The following WWOX variants were observed in gnomAD, a reference collection of about 807,000 sequenced individuals.
WWOX encodes WW domain containing oxidoreductase, also known as WW domain-containing oxidoreductase.
WWOX carries 69 observed loss-of-function variants against 46.2 expected under a neutral mutation model. The ratio of observed to expected loss-of-function variants is 1.49; its 90% CI spans 1.23 to 1.82. The LOEUF is 1.82. Ranked by LOEUF, WWOX falls within the 40% of genes most tolerant of loss-of-function variation. The probability of loss-of-function intolerance (pLI) is 0.00; values close to 1 mark genes in which losing one functional copy is unlikely to be tolerated. For missense variants in WWOX, 919 were observed against 542.6 expected (o/e 1.69, Z -6.89); for synonymous variants, 359 against 202.6 (o/e 1.77, Z -6.56).
At chr16:78,521,217 G>T (rs2043342019) in intron 8 of WWOX, among the ~76,000 whole-genome samples, 1 of 152,116 alleles carries the variant, frequency 6.6e-6, no homozygotes, top group East Asian at 1.9e-4. Flanking sequence ...GATATTATTT[G>T]TAGTAATTTA....
chr16:78,734,920 C>T (rs2049050799), intron 8 of WWOX, among the ~76,000 whole-genome samples: 1 of 119,448 alleles, frequency 8.4e-6, no homozygotes, highest in South Asian at 3.1e-4. Flanking sequence ...GGCTGGAGTG[C>T]AGTGACGCAA....
intron 8 of WWOX, among the ~76,000 whole-genome samples, chr16:78,774,023 G>A (rs139613511): frequency 9.8e-5 from 15 of 152,312 alleles, no homozygotes; most frequent in African/African-American, 3.4e-4. Context: ...ATATGTTGGT[G>A]TCCACACATC....
chr16:78,894,087 G>A (rs1291197297), intron 8 of WWOX, among the ~76,000 whole-genome samples: 1 of 147,044 alleles, frequency 6.8e-6, no homozygotes, highest in African/African-American at 2.5e-5. Context: ...TGCCCAGGAA[G>A]GAGTGCAATA....
intron 8 of WWOX, among the ~76,000 whole-genome samples, chr16:78,542,996 C>T (rs1362221369): frequency 1.3e-5 from 2 of 152,162 alleles, no homozygotes; most frequent in African/African-American, 2.4e-5. Context: ...TCATGGTCTA[C>T]CTGTGTGACT....
chr16:79,025,804 C>CTTTTTTTTTTTTTTT, intron 8 of WWOX, among the ~76,000 whole-genome samples: 1 of 104,072 alleles, frequency 9.6e-6, no homozygotes, highest in Non-Finnish European at 1.8e-5. Flanking sequence ...TGCTTGCTTG[C>CTTTTTTTTTTTTTTT]TTTTTTTTTT....
intron 4 of WWOX, among the ~76,000 whole-genome samples, chr16:78,138,597 T>C (rs2033879622): frequency 6.6e-6 from 1 of 152,230 alleles, no homozygotes; most frequent in Non-Finnish European, 1.5e-5. Context: ...TAAGAATCCA[T>C]ATCTTTTGAA....
chr16:78,694,362 A>G (rs2048054883), intron 8 of WWOX, among the ~76,000 whole-genome samples: 1 of 152,228 alleles, frequency 6.6e-6, no homozygotes. Context: ...AATACTTGAC[A>G]AAAAGGGCCA....
Position 78,435,710 on chromosome 16 carries a change from A to C in WWOX, c.1056+2958A>C, listed in dbSNP as rs955326452. On this transcript the variant is annotated intron_variant, in intron 8 of 8. Transcript: ENST00000566780. ...AGACAAGAAAGTGGCAACCTGGGAC[A>C]GTGGACCTCACAGCTCTCCTGCTAA... 6.6e-5 allele frequency among the ~76,000 whole-genome samples: 10 copies of C among 152,304 alleles called. No individual in the cohort carries two copies. In the South Asian group the frequency reaches 1.5e-3, roughly 22 times the overall value.
At chr16:78,133,206 C>G (rs913624257) in intron 4 of WWOX, among the ~76,000 whole-genome samples, 3 of 152,124 alleles carry the variant, frequency 2.0e-5, no homozygotes, top group Admixed American at 6.5e-5. Context: ...TTTTAAAAAA[C>G]CTTATCCGCG....
At chr16:78,468,949 T>C (rs777003694) in intron 8 of WWOX, among the ~76,000 whole-genome samples, 3 of 152,326 alleles carry the variant, frequency 2.0e-5, no homozygotes, top group East Asian at 1.9e-4. Flanking sequence ...AGCGAAACTT[T>C]TGGTATGACG....
chr16:78,324,615 A>T (rs528844525), intron 5 of WWOX, among the ~76,000 whole-genome samples: 76 of 152,338 alleles, frequency 5.0e-4, no homozygotes, highest in African/African-American at 1.7e-3. Context: ...ATAAAAATGG[A>T]CAAAGTCCTG....
At chr16:78,512,511 CTTAG>C in intron 8 of WWOX, among the ~76,000 whole-genome samples, 1 of 152,260 alleles carries the variant, frequency 6.6e-6, no homozygotes, top group South Asian at 2.1e-4. Flanking sequence ...ATTGTATTTA[CTTAG>C]CATTGAATGC....
intron 8 of WWOX, among the ~76,000 whole-genome samples, chr16:78,617,366 C>T (rs150801617): frequency 0.016 from 2,470 of 149,726 alleles, 65 homozygotes; most frequent in African/African-American, 0.057. Flanking sequence ...TGCACCACTG[C>T]ACCCCAGCCT....
rs139441964 is a variant in WWOX, at chr16:79,199,536, C to T, written c.1057-12072C>T. Reference sequence around the variant, plus strand: ...GAGAATTATGTTATGAAGTCATTTACTGACTTGAGCCTCAGTTTTCCTATT... The same window carrying T: ...GAGAATTATGTTATGAAGTCATTTATTGACTTGAGCCTCAGTTTTCCTATT... On this transcript the variant is annotated intron_variant, in intron 8 of 8. Coordinates refer to ENST00000566780, the MANE Select transcript of WWOX (RefSeq NM_016373.4). Among the ~76,000 whole-genome samples the T allele has an allele frequency of 7.8e-3, 1,193 of 152,300 alleles. 7 individuals are homozygous for T. Among genetic ancestry groups the T allele is most frequent in the Non-Finnish European group, 0.011 (779 of 68,016 alleles).
At chr16:78,757,242 A>T (rs540717964) in intron 8 of WWOX, among the ~76,000 whole-genome samples, 1 of 152,226 alleles carries the variant, frequency 6.6e-6, no homozygotes, top group Non-Finnish European at 1.5e-5. Flanking sequence ...ACAACAGTGG[A>T]TAACTGCCCA....
intron 5 of WWOX, among the ~76,000 whole-genome samples, chr16:78,358,229 A>G (rs2081338171): frequency 6.6e-6 from 1 of 152,268 alleles, no homozygotes; most frequent in Non-Finnish European, 1.5e-5. Flanking sequence ...AAAAAAGAAG[A>G]AAAAGTGCTG....
intron 8 of WWOX, among the ~76,000 whole-genome samples, chr16:79,073,789 G>C (rs1213136613): frequency 6.6e-5 from 10 of 152,290 alleles, no homozygotes; most frequent in African/African-American, 2.2e-4. Flanking sequence ...GATCCACTGA[G>C]AGATAAGTTG....
intron 5 of WWOX, among the ~76,000 whole-genome samples, chr16:78,357,167 C>A (rs777865710): frequency 2.0e-5 from 3 of 152,150 alleles, no homozygotes; most frequent in Non-Finnish European, 4.4e-5. Flanking sequence ...CAGTAAAGTT[C>A]CTGATGTTTG....
chr16:78,598,832 C>G (rs770661635), intron 8 of WWOX, among the ~76,000 whole-genome samples: 1 of 152,036 alleles, frequency 6.6e-6, no homozygotes, highest in Non-Finnish European at 1.5e-5. Flanking sequence ...CTTCATTGTC[C>G]CCTTCATACA....
Sources: gnomAD v4.1 joint callset for allele counts (sites outside exome capture counted in the v4.1 genomes callset) on GRCh38, gnomAD v4.1.1 for gene constraint, MANE v1.5 for transcripts, NCBI Gene and HGNC (gene_info 2026-07-23, HGNC 2026-07-21) for gene names.